The following SDCCAG8 variants were observed in gnomAD, a reference collection of about 807,000 sequenced individuals.
SDCCAG8 encodes the protein SHH signaling and ciliogenesis regulator SDCCAG8.
In SDCCAG8, 74 loss-of-function variants were observed where a neutral mutation model predicts 101.8. The observed-to-expected ratio is 0.73, with a 90% CI of 0.60 to 0.88. The LOEUF (loss-of-function observed/expected upper bound fraction) is 0.88. Ranked by LOEUF, SDCCAG8 falls within the 40% of genes least tolerant of loss-of-function variation. SDCCAG8 has a pLI of 0.00. For missense variants in SDCCAG8, 787 were observed against 822.6 expected, an observed-to-expected ratio of 0.96 and a Z score of 0.53; for synonymous variants, 281 against 292.9, an observed-to-expected ratio of 0.96 and a Z score of 0.41.
At chr1:243,450,655 TTTTG>T (rs1202157397) in intron 16 of SDCCAG8, among the ~76,000 whole-genome samples, 4 of 152,000 alleles carry the variant, frequency 2.6e-5, no homozygotes, top group South Asian at 2.1e-4. Flanking sequence ...TATAACCTGG[TTTTG>T]TTTGTTTGTT....
intron 13 of SDCCAG8, among the ~76,000 whole-genome samples, chr1:243,407,095 C>T (rs2147990445): frequency 6.6e-6 from 1 of 152,260 alleles, no homozygotes; most frequent in Middle Eastern, 3.4e-3. Context: ...CTCTCTGAGG[C>T]CAGGGTCTAC....
chr1:243,261,539 T>C (rs144857359), intron 1 of SDCCAG8, among the ~76,000 whole-genome samples: 65 of 152,318 alleles, frequency 4.3e-4, no homozygotes, highest in African/African-American at 1.5e-3. Context: ...TCTATCCAAA[T>C]CCTGCAAAGT....
At chr1:243,291,491 G>GTACCA (rs766727396) in intron 5 of SDCCAG8, among the ~76,000 whole-genome samples, 21 of 152,186 alleles carry the variant, frequency 1.4e-4, no homozygotes, top group Non-Finnish European at 2.6e-4. Flanking sequence ...CATTTCTGTG[G>GTACCA]TTTGTCACAG....
At chr1:243,324,417 C>T (rs2073991446) in intron 9 of SDCCAG8, among the ~76,000 whole-genome samples, 1 of 146,174 alleles carries the variant, frequency 6.8e-6, no homozygotes, top group African/African-American at 2.5e-5. Context: ...CCTTTTCATT[C>T]TTATACCACT....
At chr1:243,402,636 G>A (rs2079486369) in intron 13 of SDCCAG8, among the ~76,000 whole-genome samples, 1 of 152,008 alleles carries the variant, frequency 6.6e-6, no homozygotes, top group Non-Finnish European at 1.5e-5. Flanking sequence ...AACCCCACGT[G>A]GCCAGTGGCT....
At chr1:243,316,124 T>C (rs1040984112) in intron 8 of SDCCAG8, among the ~76,000 whole-genome samples, 1 of 152,238 alleles carries the variant, frequency 6.6e-6, no homozygotes, top group Non-Finnish European at 1.5e-5. Flanking sequence ...AGGGTGGGTC[T>C]TGGCAATGAT....
chr1:243,290,371 A>G (rs1322664585), intron 5 of SDCCAG8, among the ~76,000 whole-genome samples: 1 of 152,240 alleles, frequency 6.6e-6, no homozygotes, highest in Non-Finnish European at 1.5e-5. Context: ...TTCTTTCCAA[A>G]GAATGATAAT....
At chr1:243,405,142 A>G (rs1315189345) in intron 13 of SDCCAG8, among the ~76,000 whole-genome samples, 1 of 152,166 alleles carries the variant, frequency 6.6e-6, no homozygotes, top group African/African-American at 2.4e-5. Context: ...TTGGGATTAC[A>G]GGTGTGAGCC....
chr1:243,433,397 C>G (rs922036919), intron 16 of SDCCAG8, among the ~76,000 whole-genome samples: 1 of 151,792 alleles, frequency 6.6e-6, no homozygotes, highest in Non-Finnish European at 1.5e-5. Context: ...GCCGCACTCT[C>G]GTGGCTGCAG....
chr1:243,393,685 G>T (rs1397696745), intron 13 of SDCCAG8, among the ~76,000 whole-genome samples: 1 of 152,062 alleles, frequency 6.6e-6, no homozygotes, highest in Non-Finnish European at 1.5e-5. Flanking sequence ...ATACAGTGTG[G>T]CACATGGAAT....
At chr1:243,314,814 A>G (rs6703616) in intron 8 of SDCCAG8, among the ~76,000 whole-genome samples, 6,718 of 152,274 alleles carry the variant, frequency 0.044, 288 homozygotes, top group African/African-American at 0.12. Flanking sequence ...GGTTCAAGCA[A>G]TTCTTGTGCC....
chr1:243,323,454 C>T (rs1231812435), intron 9 of SDCCAG8, among the ~76,000 whole-genome samples: 4 of 152,046 alleles, frequency 2.6e-5, no homozygotes, highest in South Asian at 2.1e-4. Context: ...TCTTTCTCCC[C>T]GTTTTTGATG....
intron 17 of SDCCAG8, among the ~76,000 whole-genome samples, chr1:243,490,652 C>T (rs1666174449): frequency 6.6e-6 from 1 of 152,250 alleles, no homozygotes; most frequent in African/African-American, 2.4e-5. Flanking sequence ...GTGCTGAGTG[C>T]AGGCGGGATG....
chr1:243,435,004 G>A (rs897649274), intron 16 of SDCCAG8, among the ~76,000 whole-genome samples: 1 of 152,022 alleles, frequency 6.6e-6, no homozygotes, highest in Admixed American at 6.6e-5. Context: ...CCACTACCCA[G>A]GAAAAAGAAA....
At chr1:243,328,845 G>C (rs1257028097) in intron 9 of SDCCAG8, among the ~76,000 whole-genome samples, 1 of 152,094 alleles carries the variant, frequency 6.6e-6, no homozygotes, top group South Asian at 2.1e-4. Context: ...GATTCTGTAG[G>C]TGCCTTTCAT....
chr1:243,484,602 G>A (rs1257076192), intron 16 of SDCCAG8, among the ~76,000 whole-genome samples: 2 of 152,168 alleles, frequency 1.3e-5, no homozygotes, highest in Non-Finnish European at 2.9e-5. Flanking sequence ...TGCAATATTG[G>A]CCATTTCTCT....
intron 15 of SDCCAG8, among the ~76,000 whole-genome samples, chr1:243,422,742 A>G (rs1327510413): frequency 1.3e-5 from 2 of 152,248 alleles, no homozygotes; most frequent in Non-Finnish European, 2.9e-5. Context: ...ACCTAAAAGA[A>G]TAAAAAATTA....
chr1:243,316,996 A>G, intron 9 of SDCCAG8, 103 bp downstream of exon 9: 1 of 1,205,586 alleles, frequency 8.3e-7, no homozygotes, highest in Non-Finnish European at 1.2e-6. Flanking sequence ...TTGTTTTTCA[A>G]ACACACAAAG....
chr1:243,319,186 C>T (rs1020501980), intron 9 of SDCCAG8, among the ~76,000 whole-genome samples: 4 of 152,026 alleles, frequency 2.6e-5, no homozygotes, highest in African/African-American at 9.7e-5. Context: ...CCCCATGACC[C>T]AAACACCTCC....
Sources: gnomAD v4.1 joint callset for allele counts (sites outside exome capture counted in the v4.1 genomes callset) on GRCh38, gnomAD v4.1.1 for gene constraint, MANE v1.5 for transcripts, NCBI Gene and HGNC (gene_info 2026-07-23, HGNC 2026-07-21) for gene names.